HSD17B4: variants seen among roughly 807,000 people sequenced by gnomAD.
The protein encoded by HSD17B4 is peroxisomal multifunctional enzyme type 2.
Under a neutral mutation model 101.0 loss-of-function variants are expected in HSD17B4, and 70 were observed. The observed-to-expected ratio is 0.69, with a 90% CI of 0.57 to 0.85. The LOEUF is 0.85. Among genes scored for constraint, HSD17B4 ranks in the 40% least tolerant of loss-of-function variants. The probability of loss-of-function intolerance (pLI) is 0.00; values close to 1 mark genes in which losing one functional copy is unlikely to be tolerated. For missense variants in HSD17B4, 984 were observed against 892.4 expected, an observed-to-expected ratio of 1.10 and a Z score of -1.31; for synonymous variants, 347 against 297.1, an observed-to-expected ratio of 1.17 and a Z score of -1.73.
At chr5:119,512,507 A>G (rs1053559950) in intron 16 of HSD17B4, among the ~76,000 whole-genome samples, 3 of 152,138 alleles carry the variant, frequency 2.0e-5, no homozygotes, top group African/African-American at 4.8e-5. Context: ...CTGACTTCTC[A>G]TCAGAAACAA....
intron 2 of HSD17B4, among the ~76,000 whole-genome samples, chr5:119,467,052 A>G (rs1580527676): frequency 6.6e-6 from 1 of 152,156 alleles, no homozygotes; most frequent in South Asian, 2.1e-4. Flanking sequence ...ATTCAGGAAT[A>G]TGTTGTTTAG....
chr5:119,491,806 G>A (rs1330940765), intron 9 of HSD17B4, among the ~76,000 whole-genome samples: 1 of 152,034 alleles, frequency 6.6e-6, no homozygotes, highest in African/African-American at 2.4e-5. Context: ...ACATAATTTG[G>A]CCAGGGTAGT....
At chr5:119,515,177 C>A in intron 17 of HSD17B4, 131 bp downstream of exon 17, 1 of 642,302 alleles carries the variant, frequency 1.6e-6, no homozygotes, top group African/African-American at 1.8e-5. Context: ...ACATAATAAA[C>A]ATACAGACAT....
In HSD17B4 at chr5:119,499,481, T is replaced by G; in HGVS notation, c.1137T>G (p.Val379=). The G allele has an allele frequency of 6.2e-7, 1 of 1,613,900 alleles. No individual in the cohort carries two copies. Among genetic ancestry groups the G allele is most frequent in the South Asian group, 1.1e-5 (1 of 91,076 alleles). ...TCTCCTGTTTGCCCACCTTCGGAGT[T>G]ATCATAGGTCAGAAATCTATGATGG... ...SDFSCLPTFG[V]IIGQKSMMGG... is the part of the protein sequence containing the mutation. Residue 379 remains valine, a synonymous_variant, in exon 13 of 24, where the codon GTT becomes GTG. Coordinates refer to ENST00000510025, the MANE Select transcript of HSD17B4 (RefSeq NM_000414.4).
chr5:119,459,752 C>T (rs1028734140), intron 2 of HSD17B4, among the ~76,000 whole-genome samples: 1 of 152,098 alleles, frequency 6.6e-6, no homozygotes, highest in Non-Finnish European at 1.5e-5. Flanking sequence ...AGCCACTAGT[C>T]TCACTCCCAT....
intron 8 of HSD17B4, among the ~76,000 whole-genome samples, chr5:119,484,268 C>A (rs530339663): frequency 2.0e-5 from 3 of 152,182 alleles, no homozygotes; most frequent in Admixed American, 6.6e-5. Context: ...ATAGACTATT[C>A]CTCATTCTTG....
At chr5:119,530,142 A>T in intron 21 of HSD17B4, 162 bp downstream of exon 21, 1 of 636,808 alleles carries the variant, frequency 1.6e-6, no homozygotes, top group South Asian at 1.8e-5. Flanking sequence ...GAATAGAAGG[A>T]ATACTCTGGC....
chr5:119,525,805 A>G lies in HSD17B4; in HGVS notation c.1574-112A>G, dbSNP rs1260169023. Reference sequence around the variant, plus strand: ...TACTGTGTTTCTTAAAATAGATGGTATAATTCCTGCTAATGCAGTCTAAGG... The same window carrying G: ...TACTGTGTTTCTTAAAATAGATGGTGTAATTCCTGCTAATGCAGTCTAAGG... On this transcript the variant is annotated intron_variant, in intron 18 of 23. Coordinates refer to ENST00000510025, the MANE Select transcript of HSD17B4 (RefSeq NM_000414.4). 1.6e-5 allele frequency: 12 copies of G among 739,504 alleles called. No homozygotes were observed. In the Admixed American group the frequency reaches 2.1e-4, roughly 13 times the overall value. 45.8% of individuals were successfully genotyped at this position (739,504 alleles called of 1,614,324 possible).
rs1580712039 is a variant in HSD17B4, at chr5:119,531,481, C to G, written c.1993+77C>G. 3.6e-6 allele frequency: 5 copies of G among 1,393,554 alleles called. No homozygotes were observed. In the East Asian group the frequency reaches 1.2e-4, roughly 34 times the overall value. 86.3% of individuals were successfully genotyped at this position (1,393,554 alleles called of 1,614,324 possible). ...AAGTATCTTTTTAACAATTAAAGAC[C>G]TTTGAAGGTAGGTAAATCTTACCTT... On this transcript the variant is annotated intron_variant, in intron 22 of 23. Coordinates refer to ENST00000510025, the MANE Select transcript of HSD17B4 (RefSeq NM_000414.4).
At chr5:119,478,336 T>A (rs1466253236) in intron 7 of HSD17B4, among the ~76,000 whole-genome samples, 2 of 152,176 alleles carry the variant, frequency 1.3e-5, no homozygotes, top group East Asian at 3.8e-4. Context: ...CCTGTTTTTG[T>A]TGGAGATTTC....
At chr5:119,517,689 T>C (rs1424356001) in intron 17 of HSD17B4, among the ~76,000 whole-genome samples, 2 of 152,114 alleles carry the variant, frequency 1.3e-5, no homozygotes, top group Non-Finnish European at 2.9e-5. Flanking sequence ...TAGCTCAGGG[T>C]TTGTGAATGC....
At chr5:119,497,831 ATTAGATTTCTGTATC>A (rs1474758484) in intron 12 of HSD17B4, among the ~76,000 whole-genome samples, 3 of 152,138 alleles carry the variant, frequency 2.0e-5, no homozygotes, top group Non-Finnish European at 4.4e-5. Context: ...TTTCAGTACC[ATTAGATTTCTGTATC>A]TAACTGTATG....
chr5:119,474,510 A>G, intron 4 of HSD17B4, 50 bp downstream of exon 4: 2 of 1,092,722 alleles, frequency 1.8e-6, no homozygotes, highest in East Asian at 2.4e-5. Flanking sequence ...CTACCTTCCT[A>G]ATGAAATATT....
At chr5:119,533,242 C>T (rs1754264661) in intron 22 of HSD17B4, among the ~76,000 whole-genome samples, 1 of 150,548 alleles carries the variant, frequency 6.6e-6, no homozygotes, top group Admixed American at 6.6e-5. Context: ...ATTTATATGC[C>T]AAGTTCTCTG....
Position 119,519,516 on chromosome 5 carries a change from A to G in HSD17B4, c.1503+4470A>G, listed in dbSNP as rs903160736. On this transcript the variant is annotated intron_variant, in intron 17 of 23. Transcript: ENST00000510025. ...CCCCTTTGTGGGGCCACAAAGCTGTAGAGAAATCATGGATGCTAGTTGGAC... is the reference window on the plus strand; with the variant it reads ...CCCCTTTGTGGGGCCACAAAGCTGTGGAGAAATCATGGATGCTAGTTGGAC... Among the ~76,000 whole-genome samples, 3 of 152,344 alleles carry G rather than the reference A, an allele frequency of 2.0e-5. No homozygotes were observed. In the East Asian group the frequency reaches 5.8e-4, roughly 29 times the overall value.
At chr5:119,488,817 A>T (rs1184864548) in intron 8 of HSD17B4, among the ~76,000 whole-genome samples, 1 of 152,152 alleles carries the variant, frequency 6.6e-6, no homozygotes, top group African/African-American at 2.4e-5. Flanking sequence ...GATTTTCTAG[A>T]TTGTTGTTAA....
rs140091288 is a variant in HSD17B4, at chr5:119,459,389, G to T, written c.112+3021G>T. Among the ~76,000 whole-genome samples, 13 of 152,282 alleles carry T rather than the reference G, an allele frequency of 8.5e-5. No homozygotes were observed. The East Asian group carries it at 2.1e-3, about 25-fold the overall frequency. On this transcript the variant is annotated intron_variant, in intron 2 of 23. Transcript: ENST00000510025. The stretch of plus-strand genomic sequence containing the variant: ...CTGCTTACCATATATGACTCACTCT[G>T]CTCAAGAACTGGATATATCAAAGTG...
Position 119,536,554 on chromosome 5 carries a change from A to T in HSD17B4, c.2121+4A>T, listed in dbSNP as rs746911162. 4 of 1,610,790 alleles carry T rather than the reference A, an allele frequency of 2.5e-6. No homozygotes were observed. Among genetic ancestry groups the T allele is most frequent in the Middle Eastern group, 1.6e-4 (1 of 6,066 alleles). ...GGGCAAGCTTGACCCTCAGAAGGTAATGTTCTCAAATGTTCATTTATTCAT... is the reference window on the plus strand; with the variant it reads ...GGGCAAGCTTGACCCTCAGAAGGTATTGTTCTCAAATGTTCATTTATTCAT... On this transcript the variant is annotated splice_donor_region_variant and intron_variant, in intron 23 of 23. Transcript: ENST00000510025.
chr5:119,476,652 G>A (rs1748611597), intron 6 of HSD17B4: 1 of 985,440 alleles, frequency 1.0e-6, no homozygotes, highest in South Asian at 4.7e-5. Flanking sequence ...TAAAAAAGAA[G>A]CTGAGAAAGA....
Sources: allele counts gnomAD v4.1 joint callset (sites outside exome capture counted in the v4.1 genomes callset), GRCh38; gene constraint gnomAD v4.1.1; transcripts MANE v1.5; gene names NCBI Gene and HGNC (gene_info 2026-07-23, HGNC 2026-07-21).